The following IVD variants were observed in gnomAD, a reference collection of about 807,000 sequenced individuals.
IVD encodes isovaleryl-CoA dehydrogenase, also known as isovaleryl-CoA dehydrogenase, mitochondrial.
In IVD, 31 loss-of-function variants were observed where a neutral mutation model predicts 51.3. The ratio of observed to expected loss-of-function variants is 0.60; its 90% CI spans 0.45 to 0.81. The LOEUF (loss-of-function observed/expected upper bound fraction) is 0.81, where lower values mean the gene tolerates loss of function less well. Among genes scored for constraint, IVD ranks in the 40% least tolerant of loss-of-function variants. IVD has a pLI of 0.00. For missense variants in IVD, 475 were observed against 552.0 expected (o/e 0.86, Z 1.40); for synonymous variants, 205 against 219.4 (o/e 0.93, Z 0.58).
Position 40,413,476 on chromosome 15 carries a change from G to A in IVD, c.784+389G>A, listed in dbSNP as rs375124770. On this transcript the variant is annotated intron_variant, in intron 7 of 11. Coordinates refer to ENST00000487418, the MANE Select transcript of IVD (RefSeq NM_002225.5). ...TCATTTTTAGCATTAATGATGCTAA[G>A]AAAAAAAAACAAAACATCTGAATCC... Among the ~76,000 whole-genome samples the A allele has an allele frequency of 4.3e-4, 65 of 150,256 alleles. 1 individual carries two copies. Among genetic ancestry groups the A allele is most frequent in the African/African-American group, 1.5e-3 (62 of 40,948 alleles).
Position 40,405,875 on chromosome 15 carries a change from G to A in IVD, c.48G>A (p.Arg16=). 1 of 1,612,584 alleles carries A rather than the reference G, an allele frequency of 6.2e-7. No homozygotes were observed. Among genetic ancestry groups the A allele is most frequent in the South Asian group, 1.1e-5 (1 of 91,048 alleles). The change falls in exon 1 of 12, where the codon AGG becomes AGA. Residue 16 remains arginine, a synonymous_variant. Transcript: ENST00000487418. ...TGGGGTGGCGTGTGGCGAGCTGGAG[G>A]CTGCGGCCGCCGCTTGCCGGCTTCG... is the stretch of plus-strand genomic sequence containing the variant. ...RLLGWRVASW[R]LRPPLAGFVS...
chr15:40,422,585 C>CCTTTTTTTTTTTTTTTTTTT (rs1892398319), downstream of IVD, among the ~76,000 whole-genome samples: 1 of 69,136 alleles, frequency 1.4e-5, no homozygotes, highest in Non-Finnish European at 2.5e-5. Context: ...GCCCGGCCGA[C>CCTTTTTTTTTTTTTTTTTTT]TTTTTTTTTT....
Position 40,421,160 on chromosome 15 carries a change from AG to A in IVD, c.*2898del. 1.0e-6 allele frequency: 1 copy of A among 985,490 alleles called. No individual in the cohort carries two copies. Among genetic ancestry groups the A allele is most frequent in the Non-Finnish European group, 1.2e-6 (1 of 829,930 alleles). 61.0% of individuals were successfully genotyped at this position (985,490 alleles called of 1,614,324 possible). A position where few individuals can be genotyped will look rare whatever the true frequency, so the allele number is the denominator to read the frequency against. On this transcript the variant is annotated 3_prime_UTR_variant, in exon 12 of 12. Transcript: ENST00000487418. ...TCTTGCTGGCTTAATGTGTGGCTGGAGAGACCAGCCTGGAGACAATGTGGCA... is the reference window on the plus strand; with the variant it reads ...TCTTGCTGGCTTAATGTGTGGCTGGAAGACCAGCCTGGAGACAATGTGGCA...
chr15:40,417,152 G>A (rs369190747), intron 11 of IVD, among the ~76,000 whole-genome samples: 4 of 148,394 alleles, frequency 2.7e-5, no homozygotes, highest in Admixed American at 2.0e-4. Flanking sequence ...TGCAGTGACC[G>A]GAGATCGCGC....
intron 3 of IVD, among the ~76,000 whole-genome samples, chr15:40,410,079 G>A (rs1431535505): frequency 6.6e-6 from 1 of 151,972 alleles, no homozygotes; most frequent in Non-Finnish European, 1.5e-5. Flanking sequence ...CTCGTGATCT[G>A]CCCACCTCAG....
At chr15:40,406,570 G>A (rs957961483) in intron 1 of IVD, among the ~76,000 whole-genome samples, 2 of 152,068 alleles carry the variant, frequency 1.3e-5, no homozygotes, top group African/African-American at 4.8e-5. Flanking sequence ...GAGGTGGGAG[G>A]ATTGTTTGAG....
chr15:40,407,693 A>G lies in IVD; in HGVS notation c.202A>G (p.Ile68Val), dbSNP rs758926864. ...GCACCTGGCCCCCAAGGCCCAGGAG[A>G]TCGATCGCAGCAATGAGTTCAAGAA... Reference protein sequence around the residue: ...QEHLAPKAQEIDRSNEFKNLR... With the variant: ...QEHLAPKAQEVDRSNEFKNLR... Residue 68 changes from isoleucine (I) to valine (V), a missense_variant, in exon 2 of 12, where the codon ATC becomes GTC. Coordinates refer to ENST00000487418, the MANE Select transcript of IVD (RefSeq NM_002225.5). The G allele has an allele frequency of 6.2e-6, 10 of 1,614,022 alleles. No homozygotes were observed. The highest frequency in any genetic ancestry group is 8.5e-6 in the Non-Finnish European group (10 of 1,180,038).
chr15:40,422,585 C>CTTTTTTTTTTTTTTTTTTTTTTTTTTT (rs1157351420), downstream of IVD, among the ~76,000 whole-genome samples: 1 of 69,134 alleles, frequency 1.4e-5, no homozygotes. Flanking sequence ...GCCCGGCCGA[C>CTTTTTTTTTTTTTTTTTTTTTTTTTTT]TTTTTTTTTT....
Position 40,416,098 on chromosome 15 carries a change from T to C in IVD, c.981T>C (p.Ala327=). The C allele has an allele frequency of 6.2e-7, 1 of 1,614,286 alleles. No homozygotes were observed. Among genetic ancestry groups the C allele is most frequent in the Non-Finnish European group, 8.5e-7 (1 of 1,180,050 alleles). Residue 327 remains alanine, a synonymous_variant, in exon 10 of 12, where the codon GCT becomes GCC. Transcript: ENST00000487418. ...GHFQLMQGKM[A]DMYTRLMACR... ...CCCAGTTGATGCAGGGGAAGATGGC[T>C]GACATGTACACCCGCCTCATGGCGT...
At chr15:40,408,494 G>A (rs1890705013) in intron 3 of IVD, among the ~76,000 whole-genome samples, 1 of 152,166 alleles carries the variant, frequency 6.6e-6, no homozygotes, top group Non-Finnish European at 1.5e-5. Flanking sequence ...TAGGGTAGGG[G>A]CTGGGCAGGG....
rs201864482 is a variant in IVD at position 40,410,823 on chromosome 15, G to A, written c.456+26G>A. Reference sequence around the variant, plus strand: ...GTGAGGAAATGGAAATGTAATACACGCTAATCTCACAGTGCAACCACCAAC... The same window carrying A: ...GTGAGGAAATGGAAATGTAATACACACTAATCTCACAGTGCAACCACCAAC... On this transcript the variant is annotated intron_variant, in intron 4 of 11. Coordinates refer to ENST00000487418, the MANE Select transcript of IVD (RefSeq NM_002225.5). The A allele has an allele frequency of 1.7e-3, 2,756 of 1,612,660 alleles. 18 individuals are homozygous for A. The highest frequency in any genetic ancestry group is 1.9e-3 in the Non-Finnish European group (2,285 of 1,179,340).
intron 6 of IVD, 110 bp downstream of exon 6, chr15:40,411,801 C>A: frequency 1.6e-5 from 21 of 1,334,924 alleles, no homozygotes; most frequent in Non-Finnish European, 2.1e-5. Flanking sequence ...CTCTGCAAGG[C>A]CCCCAGAGGT....
rs762840448 is a variant in IVD, at chr15:40,411,550, C to T, written c.551-5C>T. The T allele has an allele frequency of 3.7e-6, 6 of 1,614,218 alleles. No individual in the cohort carries two copies. In the South Asian group the frequency reaches 5.5e-5, roughly 15 times the overall value. The stretch of plus-strand genomic sequence containing the variant: ...TTGAGCAAATAGCCAACATCCTGCC[C>T]TTAGGAAATCACTACATCCTGAATG... On this transcript the variant is annotated splice_region_variant and splice_polypyrimidine_tract_variant and intron_variant, in intron 5 of 11. Transcript: ENST00000487418.
chr15:40,431,433 C>T (rs1208664843), intron 7 of IVD, among the ~76,000 whole-genome samples: 3 of 152,098 alleles, frequency 2.0e-5, no homozygotes, highest in African/African-American at 4.8e-5. Context: ...CAGTGGCTCA[C>T]GCCTGTAATC....
intron 1 of IVD, among the ~76,000 whole-genome samples, chr15:40,406,542 C>T (rs1890436977): frequency 6.6e-6 from 1 of 152,178 alleles, no homozygotes; most frequent in Non-Finnish European, 1.5e-5. Flanking sequence ...ACCTGTAATC[C>T]TAGCACTTTG....
At chr15:40,414,851 G>A in intron 7 of IVD, 38 bp from the exon 8 acceptor site, 1 of 1,612,986 alleles carries the variant, frequency 6.2e-7, no homozygotes, top group South Asian at 1.1e-5. Flanking sequence ...GGAGGCTGTG[G>A]ACAGCTCTCT....
chr15:40,435,807 C>G (rs1479683345), downstream of IVD: 1 of 692,628 alleles, frequency 1.4e-6, no homozygotes, highest in Admixed American at 6.2e-5. Flanking sequence ...GTGCCTGCTC[C>G]TTCAGGCTCC....
At chr15:40,426,285 C>T (rs1229482162), downstream of IVD, among the ~76,000 whole-genome samples, 3 of 152,048 alleles carry the variant, frequency 2.0e-5, no homozygotes, top group Non-Finnish European at 2.9e-5. Context: ...TACCTGTAAT[C>T]CCAGCACTTT....
Position 40,413,678 on chromosome 15 carries a change from T to G in IVD, c.784+591T>G, listed in dbSNP as rs945193501. 1.9e-3 allele frequency among the ~76,000 whole-genome samples: 176 copies of G among 92,744 alleles called. 1 individual carries two copies. Among genetic ancestry groups the G allele is most frequent in the African/African-American group, 5.3e-3 (172 of 32,260 alleles). The allele number at this position is 92,744 out of a possible 152,430, so 60.8% of individuals were successfully genotyped here. A position where few individuals can be genotyped will look rare whatever the true frequency, so the allele number is the denominator to read the frequency against. ...TGTTGTTTGGGGTTTTTTTTTGTTT[T>G]TTTTGTTTGTTTGTTTGTTTGTTTG... On this transcript the variant is annotated intron_variant, in intron 7 of 11. Coordinates refer to ENST00000487418, the MANE Select transcript of IVD (RefSeq NM_002225.5).
Sources: allele counts gnomAD v4.1 joint callset (sites outside exome capture counted in the v4.1 genomes callset), GRCh38; gene constraint gnomAD v4.1.1; transcripts MANE v1.5; gene names NCBI Gene and HGNC (gene_info 2026-07-23, HGNC 2026-07-21).